The following ATP8B1 variants were observed in gnomAD, a reference collection of about 807,000 sequenced individuals.
ATP8B1 encodes the protein phospholipid-transporting ATPase IC.
Under a neutral mutation model 149.9 loss-of-function variants are expected in ATP8B1, and 80 were observed. The observed-to-expected ratio is 0.53, with a 90% CI of 0.45 to 0.64. The LOEUF is 0.64. Ranked by LOEUF, ATP8B1 falls within the 30% of genes least tolerant of loss-of-function variation. The pLI is 0.00. For missense variants in ATP8B1, 1,247 were observed against 1,552.6 expected (o/e 0.80, Z 3.31); for synonymous variants, 536 against 562.8 (o/e 0.95, Z 0.67).
chr18:57,735,879 A>G (rs868709488), intron 1 of ATP8B1, among the ~76,000 whole-genome samples: 3 of 152,124 alleles, frequency 2.0e-5, no homozygotes, highest in Admixed American at 6.6e-5. Flanking sequence ...TACATGTGCC[A>G]TGGTGGTTTG....
chr18:57,667,233 T>G (rs2122694653), intron 19 of ATP8B1, 66 bp from the exon 20 acceptor site: 2 of 1,345,054 alleles, frequency 1.5e-6, no homozygotes, highest in Non-Finnish European at 2.1e-6. Flanking sequence ...ATTTTGTTTT[T>G]TGAGACAGCA....
intron 4 of ATP8B1, among the ~76,000 whole-genome samples, chr18:57,702,870 AAAAGAG>A (rs1288239699): frequency 2.2e-4 from 34 of 152,036 alleles, no homozygotes; most frequent in Admixed American, 1.4e-3. Context: ...AAAAAAAAAA[AAAAGAG>A]AGAGAGAAGA....
intron 12 of ATP8B1, among the ~76,000 whole-genome samples, chr18:57,690,957 C>T (rs1912497077): frequency 6.6e-6 from 1 of 152,030 alleles, no homozygotes; most frequent in Non-Finnish European, 1.5e-5. Flanking sequence ...GGCAGATCAC[C>T]TGAGGTCAGG....
chr18:57,782,803 C>CTTTTTTTT (rs79009229), intron 1 of ATP8B1, among the ~76,000 whole-genome samples: 1,730 of 90,954 alleles, frequency 0.019, 304 homozygotes, highest in East Asian at 0.095. Flanking sequence ...TAGTTTGTCT[C>CTTTTTTTT]TTTTTTTTTT....
chr18:57,682,104 A>G (rs760320523), intron 15 of ATP8B1, among the ~76,000 whole-genome samples: 7 of 151,548 alleles, frequency 4.6e-5, no homozygotes, highest in Non-Finnish European at 1.0e-4. Context: ...TGCCAGGTTC[A>G]AGCGATTCTC....
At position 57,674,887 on chromosome 18, in the gene ATP8B1, T is replaced by C; in HGVS notation, c.1766A>G (p.Asn589Ser). 2 of 1,614,196 alleles carry C rather than the reference T, an allele frequency of 1.2e-6. No homozygotes were observed. The highest frequency in any genetic ancestry group is 1.7e-6 in the Non-Finnish European group (2 of 1,180,026). The change falls in exon 16 of 28, where the codon AAT becomes AGT. Residue 589 changes from asparagine (N) to serine (S), a missense_variant. Transcript: ENST00000648908. ...GTTGAAGTCCAAAATGGCAAGAACA[T>C]TGTAAGTCCTTTCAGTGCCCAGTTC... ...ISELGTERTY[N>S]VLAILDFNSD...
Position 57,784,438 on chromosome 18 carries a change from G to A in ATP8B1, c.-26+18560C>T, listed in dbSNP as rs1042485499. Among the ~76,000 whole-genome samples, 3 of 152,132 alleles carry A rather than the reference G, an allele frequency of 2.0e-5. No homozygotes were observed. Among genetic ancestry groups the A allele is most frequent in the African/African-American group, 7.2e-5 (3 of 41,438 alleles). On this transcript the variant is annotated intron_variant, in intron 1 of 27. Coordinates refer to ENST00000648908, the MANE Select transcript of ATP8B1 (RefSeq NM_001374385.1). This position sits in a 1 kb window ranked among gnomAD's most constrained non-coding sequence, Gnocchi z 4.4. ...CAGCTTGAACCTCGCGGATGGCAGC[G>A]GAGATAGAGGTTATCAGGTGGAGTC...
intron 1 of ATP8B1, among the ~76,000 whole-genome samples, chr18:57,768,410 A>G (rs10164259): frequency 1.6e-5 from 2 of 121,678 alleles, no homozygotes; most frequent in East Asian, 2.2e-4. Flanking sequence ...AAAAAAAAAA[A>G]GAAAAGAAAA....
rs1270164219 is a variant in ATP8B1 at position 57,756,236 on chromosome 18, C to CACACACACAT, written c.-25-24405_-25-24404insATGTGTGTGT. 2.2e-3 allele frequency among the ~76,000 whole-genome samples: 233 copies of CACACACACAT among 106,140 alleles called. 3 individuals are homozygous for CACACACACAT. The highest frequency in any genetic ancestry group is 0.011 in the Middle Eastern group (2 of 186). The allele number at this position is 106,140 out of a possible 152,430, so 69.6% of individuals were successfully genotyped here. ...ACACACACACACACACACACACACA[C>CACACACACAT]ATATATACACACACACATATATATA... On this transcript the variant is annotated intron_variant, in intron 1 of 27. Coordinates refer to ENST00000648908, the MANE Select transcript of ATP8B1 (RefSeq NM_001374385.1).
At chr18:57,729,007 G>C (rs448119) in intron 2 of ATP8B1, among the ~76,000 whole-genome samples, 1 of 152,076 alleles carries the variant, frequency 6.6e-6, no homozygotes, top group Non-Finnish European at 1.5e-5. Context: ...GGCATGAGTC[G>C]CCGCACCCGG....
chr18:57,656,801 A>G (rs1246948046), intron 22 of ATP8B1, among the ~76,000 whole-genome samples: 1 of 131,336 alleles, frequency 7.6e-6, no homozygotes, highest in African/African-American at 2.9e-5. Context: ...TGGGGAGAGA[A>G]GAGTGGGGAG....
intron 18 of ATP8B1, 97 bp from the exon 19 acceptor site, chr18:57,668,637 A>C: frequency 1.3e-6 from 1 of 745,166 alleles, no homozygotes; most frequent in Non-Finnish European, 2.2e-6. Flanking sequence ...AGAAGGGCTA[A>C]TTATACATCC....
chr18:57,730,516 A>C (rs1219704776), intron 2 of ATP8B1, among the ~76,000 whole-genome samples: 2 of 152,334 alleles, frequency 1.3e-5, no homozygotes, highest in African/African-American at 4.8e-5. Flanking sequence ...CAGCTTGCTC[A>C]TGGAGAAGAG....
intron 1 of ATP8B1, among the ~76,000 whole-genome samples, chr18:57,768,743 C>A (rs574822523): frequency 1.3e-5 from 2 of 152,232 alleles, no homozygotes; most frequent in African/African-American, 4.8e-5. Context: ...GGTAACAAAT[C>A]CCTATGCCAA....
chr18:57,775,476 AAAG>A (rs1335277669), intron 1 of ATP8B1, among the ~76,000 whole-genome samples: 1 of 151,938 alleles, frequency 6.6e-6, no homozygotes, highest in Non-Finnish European at 1.5e-5. Context: ...GAGGAAAGAG[AAAG>A]AAGGAGACAG....
At chr18:57,682,349 G>A (rs1053567141) in intron 15 of ATP8B1, among the ~76,000 whole-genome samples, 6 of 152,146 alleles carry the variant, frequency 3.9e-5, no homozygotes, top group African/African-American at 1.4e-4. Flanking sequence ...CTACAACACC[G>A]AGGAAGGTGG....
intron 15 of ATP8B1, among the ~76,000 whole-genome samples, chr18:57,683,299 C>T (rs574982939): frequency 1.6e-4 from 25 of 152,302 alleles, no homozygotes; most frequent in African/African-American, 5.5e-4. Flanking sequence ...AGGCAGACTA[C>T]GCTTTATTAC....
intron 22 of ATP8B1, among the ~76,000 whole-genome samples, chr18:57,657,866 A>G (rs889892040): frequency 1.3e-5 from 2 of 152,238 alleles, no homozygotes; most frequent in African/African-American, 4.8e-5. Flanking sequence ...CATAGTTCCC[A>G]GGGCAACCAA....
intron 24 of ATP8B1, 142 bp downstream of exon 24, chr18:57,653,850 C>T: frequency 1.2e-6 from 1 of 822,626 alleles, no homozygotes; most frequent in Non-Finnish European, 2.0e-6. Flanking sequence ...AGCCATGACC[C>T]TTGATGCCTG....
Sources: allele counts gnomAD v4.1 joint callset (sites outside exome capture counted in the v4.1 genomes callset), GRCh38; gene constraint gnomAD v4.1.1; non-coding constraint Gnocchi (gnomAD v3.1); transcripts MANE v1.5; gene names NCBI Gene and HGNC (gene_info 2026-07-23, HGNC 2026-07-21).